Variants in AFG1L observed in about 807,000 individuals in gnomAD.
AFG1L encodes AFG1 like ATPase.
In AFG1L, 53 loss-of-function variants were observed where a neutral mutation model predicts 62.2. The observed-to-expected ratio is 0.85, with a 90% CI of 0.68 to 1.07. The LOEUF (loss-of-function observed/expected upper bound fraction) is 1.07. Ranked by LOEUF, AFG1L falls within the 50% of genes least tolerant of loss-of-function variation. The pLI is 0.00. For synonymous variants in AFG1L, 228 were observed against 210.3 expected (o/e 1.08, Z -0.73); for missense variants, 555 against 590.5 (o/e 0.94, Z 0.62).
chr6:108,345,490 G>A (rs1778830011), intron 2 of AFG1L, among the ~76,000 whole-genome samples: 1 of 152,032 alleles, frequency 6.6e-6, no homozygotes, highest in Non-Finnish European at 1.5e-5. Flanking sequence ...CTCCGAAGTA[G>A]CTGGGACTGC....
intron 6 of AFG1L, among the ~76,000 whole-genome samples, chr6:108,371,543 T>A (rs956455364): frequency 1.7e-4 from 26 of 152,116 alleles, no homozygotes; most frequent in African/African-American, 6.3e-4. Context: ...AGCAAATTTT[T>A]AAATTTTTTG....
intron 6 of AFG1L, among the ~76,000 whole-genome samples, chr6:108,378,384 A>C (rs943978566): frequency 6.6e-6 from 1 of 152,032 alleles, no homozygotes; most frequent in African/African-American, 2.4e-5. Context: ...CAGTCATGTA[A>C]TCTGAGCTTA....
chr6:108,473,686 T>C (rs1450081087), intron 8 of AFG1L, among the ~76,000 whole-genome samples: 1 of 152,078 alleles, frequency 6.6e-6, no homozygotes, highest in Non-Finnish European at 1.5e-5. Flanking sequence ...GCCTTCCGAG[T>C]AGCTGGGATT....
chr6:108,295,072 A>C lies in AFG1L; in HGVS notation c.-8A>C, dbSNP rs1278817466. 3 of 1,610,626 alleles carry C rather than the reference A, an allele frequency of 1.9e-6. No homozygotes were observed. The South Asian group carries it at 3.3e-5, about 18-fold the overall frequency. The stretch of plus-strand genomic sequence containing the variant: ...TTTTCCTCTTCCTCTCCTCGTACGG[A>C]GTTCAAGATGGCGGCCTCCTGGTCG... On this transcript the variant is annotated 5_prime_UTR_variant, in exon 1 of 13. Coordinates refer to ENST00000368977, the MANE Select transcript of AFG1L (RefSeq NM_145315.5).
At chr6:108,426,552 T>G (rs1012102724) in intron 7 of AFG1L, among the ~76,000 whole-genome samples, 7 of 152,170 alleles carry the variant, frequency 4.6e-5, no homozygotes, top group Non-Finnish European at 7.3e-5. Context: ...CTGATTTTCT[T>G]GGATAAGGTA....
intron 1 of AFG1L, among the ~76,000 whole-genome samples, chr6:108,312,114 C>T (rs542067880): frequency 5.3e-5 from 8 of 152,224 alleles, no homozygotes; most frequent in Non-Finnish European, 1.2e-4. Context: ...ATCCGCCTGC[C>T]TTGGCCTCCC....
At chr6:108,383,099 G>A (rs1245240712) in intron 6 of AFG1L, among the ~76,000 whole-genome samples, 1 of 152,128 alleles carries the variant, frequency 6.6e-6, no homozygotes, top group Non-Finnish European at 1.5e-5. Context: ...AATTTGTGGT[G>A]GTGCGCACCT....
intron 7 of AFG1L, among the ~76,000 whole-genome samples, chr6:108,422,497 A>AAAGAAG (rs1196041463): frequency 2.0e-5 from 3 of 147,720 alleles, no homozygotes; most frequent in African/African-American, 5.1e-5. Context: ...AAAAAAAAAA[A>AAAGAAG]AAGAAGAAGA....
At chr6:108,305,075 A>C (rs1480847013) in intron 1 of AFG1L, among the ~76,000 whole-genome samples, 1 of 152,272 alleles carries the variant, frequency 6.6e-6, no homozygotes, top group Non-Finnish European at 1.5e-5. Context: ...GAAATGTTAC[A>C]TAAATGTATG....
chr6:108,307,346 C>T (rs1777239643), intron 1 of AFG1L, among the ~76,000 whole-genome samples: 1 of 151,932 alleles, frequency 6.6e-6, no homozygotes, highest in South Asian at 2.1e-4. Flanking sequence ...AAAAATACTA[C>T]ATCATGTTTA....
intron 6 of AFG1L, among the ~76,000 whole-genome samples, chr6:108,377,289 G>C (rs1211538378): frequency 6.6e-6 from 1 of 152,130 alleles, no homozygotes; most frequent in African/African-American, 2.4e-5. Flanking sequence ...CTATTGTGAA[G>C]TTGTTAGCTG....
intron 6 of AFG1L, among the ~76,000 whole-genome samples, chr6:108,373,678 G>GT (rs1235221540): frequency 2.0e-5 from 3 of 151,112 alleles, no homozygotes; most frequent in Non-Finnish European, 4.4e-5. Context: ...CCAGGTTCAA[G>GT]TGATTCTCCT....
At chr6:108,494,365 G>C (rs1020258393) in intron 10 of AFG1L, among the ~76,000 whole-genome samples, 17 of 151,916 alleles carry the variant, frequency 1.1e-4, no homozygotes, top group Non-Finnish European at 2.4e-4. Context: ...GAGTAGAGGA[G>C]TGTACCCTCC....
intron 8 of AFG1L, among the ~76,000 whole-genome samples, chr6:108,462,213 G>A: frequency 6.6e-6 from 1 of 152,118 alleles, no homozygotes; most frequent in East Asian, 1.9e-4. Flanking sequence ...ACCAACCTGG[G>A]CAACATGTAG....
At chr6:108,390,408 C>T (rs777905663) in intron 6 of AFG1L, among the ~76,000 whole-genome samples, 1 of 152,210 alleles carries the variant, frequency 6.6e-6, no homozygotes, top group Non-Finnish European at 1.5e-5. Context: ...CCGTTGCTAG[C>T]GAGGAGCTGC....
intron 8 of AFG1L, among the ~76,000 whole-genome samples, chr6:108,474,920 T>C (rs554757309): frequency 5.9e-5 from 9 of 152,304 alleles, no homozygotes; most frequent in African/African-American, 2.2e-4. Context: ...ATTTTTGCCT[T>C]CATTGCAATT....
chr6:108,476,754 A>G, intron 8 of AFG1L, 111 bp from the exon 9 acceptor site: 1 of 724,720 alleles, frequency 1.4e-6, no homozygotes. Flanking sequence ...TTTAGAGCAT[A>G]ACATCCTGTT....
intron 1 of AFG1L, among the ~76,000 whole-genome samples, chr6:108,313,525 G>T (rs531193162): frequency 6.6e-6 from 1 of 151,994 alleles, no homozygotes; most frequent in Admixed American, 6.6e-5. Context: ...CATAGACATT[G>T]CTTTCTCTCT....
chr6:108,449,147 CAA>C (rs1199841068), intron 8 of AFG1L, among the ~76,000 whole-genome samples: 1 of 100,420 alleles, frequency 1.0e-5, no homozygotes, highest in Non-Finnish European at 1.9e-5. Context: ...GACCCTGTTT[CAA>C]AAAAAAAAAG....
Sources: gnomAD v4.1 joint callset for allele counts (sites outside exome capture counted in the v4.1 genomes callset) on GRCh38, gnomAD v4.1.1 for gene constraint, MANE v1.5 for transcripts, NCBI Gene and HGNC (gene_info 2026-07-23, HGNC 2026-07-21) for gene names.